The following PRDM16 variants were observed in gnomAD, a reference collection of about 807,000 sequenced individuals.
PRDM16 encodes histone-lysine N-methyltransferase PRDM16.
PRDM16 carries 23 observed loss-of-function variants against 110.6 expected under a neutral mutation model. The ratio of observed to expected loss-of-function variants is 0.21; its 90% CI spans 0.15 to 0.29. PRDM16 has a LOEUF of 0.29. Among genes scored for constraint, PRDM16 ranks in the 10% least tolerant of loss-of-function variants. The pLI is 1.00. For synonymous variants in PRDM16, 799 were observed against 781.8 expected (o/e 1.02, Z -0.37); for missense variants, 1,615 against 1,794.3 (o/e 0.90, Z 1.81).
At chr1:3,193,913 G>A (rs1275809838) in intron 2 of PRDM16, among the ~76,000 whole-genome samples, 1 of 152,204 alleles carries the variant, frequency 6.6e-6, no homozygotes, top group Non-Finnish European at 1.5e-5. Flanking sequence ...ATGCTGGGCT[G>A]GGGCCAGGGA....
intron 1 of PRDM16, among the ~76,000 whole-genome samples, chr1:3,108,174 C>T (rs572318686): frequency 6.6e-6 from 1 of 152,342 alleles, no homozygotes; most frequent in African/African-American, 2.4e-5. Context: ...AGCAAGGGGC[C>T]ATTGGTCTTG....
In PRDM16 at chr1:3,201,192, C is replaced by A. The variant is rs542252967; in HGVS notation, c.387+14718C>A. Among the ~76,000 whole-genome samples, 7 of 152,268 alleles carry A rather than the reference C, an allele frequency of 4.6e-5. No individual in the cohort carries two copies. The highest frequency in any genetic ancestry group is 1.7e-4 in the African/African-American group (7 of 41,550). On this transcript the variant is annotated intron_variant, in intron 2 of 16. Coordinates refer to ENST00000270722, the MANE Select transcript of PRDM16 (RefSeq NM_022114.4). The surrounding 1 kb of genome is among the most constrained non-coding windows in gnomAD (Gnocchi z 4.1). ...GGGATGGAAAAAGGGGTCTGGGCTG[C>A]ATTTTGATAAAAGCCTTCAAACTCC...
chr1:3,130,935 G>A (rs777082038), intron 1 of PRDM16, among the ~76,000 whole-genome samples: 20 of 152,076 alleles, frequency 1.3e-4, no homozygotes, highest in Non-Finnish European at 2.5e-4. Context: ...CCCTGTTCAG[G>A]TTAGGTGTGT....
intron 1 of PRDM16, among the ~76,000 whole-genome samples, chr1:3,071,659 C>T (rs1340256125): frequency 6.6e-6 from 1 of 152,236 alleles, no homozygotes; most frequent in Non-Finnish European, 1.5e-5. Flanking sequence ...TAGTCCATTA[C>T]CCGAGTCAGA....
At chr1:3,303,513 C>T (rs1268271853) in intron 3 of PRDM16, among the ~76,000 whole-genome samples, 1 of 152,166 alleles carries the variant, frequency 6.6e-6, no homozygotes, top group African/African-American at 2.4e-5. Flanking sequence ...GGGAAGAGTG[C>T]CGTGGTGACC....
At chr1:3,409,032 A>C (rs1264320103) in intron 8 of PRDM16, among the ~76,000 whole-genome samples, 4 of 141,612 alleles carry the variant, frequency 2.8e-5, no homozygotes, top group Non-Finnish European at 1.5e-5. Context: ...AGTGTGTGTG[A>C]GTGTGGGCGT....
chr1:3,312,532 A>AT (rs1207808655), intron 3 of PRDM16, among the ~76,000 whole-genome samples: 1 of 152,150 alleles, frequency 6.6e-6, no homozygotes, highest in Non-Finnish European at 1.5e-5. Flanking sequence ...CCTCTGTGGG[A>AT]TACATCAGGA....
intron 2 of PRDM16, among the ~76,000 whole-genome samples, chr1:3,200,433 C>T (rs1288794234): frequency 3.3e-5 from 5 of 152,314 alleles, no homozygotes; most frequent in South Asian, 4.1e-4. Context: ...AGCTCCGCCT[C>T]CCGGGTTCAC....
chr1:3,104,348 G>A (rs1642600112), intron 1 of PRDM16, among the ~76,000 whole-genome samples: 1 of 152,216 alleles, frequency 6.6e-6, no homozygotes, highest in African/African-American at 2.4e-5. Context: ...GTTGGAAGGT[G>A]CTGGTGGGAG....
Position 3,274,225 on chromosome 1 carries a change from G to A in PRDM16, c.438+30088G>A, listed in dbSNP as rs140382138. On this transcript the variant is annotated intron_variant, in intron 3 of 16. Coordinates refer to ENST00000270722, the MANE Select transcript of PRDM16 (RefSeq NM_022114.4). ...ACGCCCTGGCAGGTAACTTTCATCA[G>A]GCATCTCTGAAATGGTACCTAAATG... is the stretch of plus-strand genomic sequence containing the variant. Among the ~76,000 whole-genome samples the A allele has an allele frequency of 2.9e-3, 445 of 152,244 alleles. 3 individuals are homozygous for A. The highest frequency in any genetic ancestry group is 0.01 in the African/African-American group (421 of 41,532).
intron 3 of PRDM16, among the ~76,000 whole-genome samples, chr1:3,362,249 G>A (rs1401375014): frequency 6.6e-6 from 1 of 152,252 alleles, no homozygotes; most frequent in Admixed American, 6.5e-5. Context: ...ACATGAGTGA[G>A]TGCAAATGTC....
intron 2 of PRDM16, among the ~76,000 whole-genome samples, chr1:3,234,336 G>A (rs773761821): frequency 1.3e-5 from 2 of 152,096 alleles, no homozygotes; most frequent in African/African-American, 4.8e-5. Flanking sequence ...TGTCCCCGGG[G>A]CCCTGACACG....
chr1:3,182,731 G>A (rs562469692), intron 1 of PRDM16, among the ~76,000 whole-genome samples: 16 of 152,142 alleles, frequency 1.1e-4, no homozygotes, highest in Non-Finnish European at 1.9e-4. Flanking sequence ...TGTATTATGC[G>A]ATCAAATGAC....
At chr1:3,258,836 G>A (rs1324447599) in intron 3 of PRDM16, among the ~76,000 whole-genome samples, 1 of 152,250 alleles carries the variant, frequency 6.6e-6, no homozygotes, top group Non-Finnish European at 1.5e-5. Context: ...CCCTGCTCGA[G>A]CCAGGCCAGG....
chr1:3,144,256 G>A (rs191044160), intron 1 of PRDM16, among the ~76,000 whole-genome samples: 5 of 152,276 alleles, frequency 3.3e-5, no homozygotes, highest in South Asian at 2.1e-4. Context: ...ACCCAGCCCC[G>A]GTACATGGAC....
intron 1 of PRDM16, among the ~76,000 whole-genome samples, chr1:3,113,258 G>A (rs1464116336): frequency 6.6e-6 from 1 of 152,258 alleles, no homozygotes; most frequent in Admixed American, 6.5e-5. Context: ...GTGGGCCACT[G>A]GAGGGAGCAT....
At chr1:3,174,076 C>T (rs557803250) in intron 1 of PRDM16, among the ~76,000 whole-genome samples, 15 of 152,334 alleles carry the variant, frequency 9.8e-5, no homozygotes, top group South Asian at 6.2e-4. Context: ...AGGCCAGAGA[C>T]ACAAAGCCAG....
At chr1:3,095,845 A>T (rs1190463811) in intron 1 of PRDM16, among the ~76,000 whole-genome samples, 2 of 152,040 alleles carry the variant, frequency 1.3e-5, no homozygotes, top group East Asian at 3.9e-4. Flanking sequence ...GGGGAGCCTC[A>T]TATCACAGCT....
At chr1:3,161,111 C>T (rs1291915949) in intron 1 of PRDM16, among the ~76,000 whole-genome samples, 3 of 152,298 alleles carry the variant, frequency 2.0e-5, no homozygotes, top group South Asian at 4.1e-4. Flanking sequence ...TTTCCTCTCC[C>T]GAGAAAGATG....
Sources: allele counts gnomAD v4.1 joint callset (sites outside exome capture counted in the v4.1 genomes callset), GRCh38; gene constraint gnomAD v4.1.1; non-coding constraint Gnocchi (gnomAD v3.1); transcripts MANE v1.5; gene names NCBI Gene and HGNC (gene_info 2026-07-23, HGNC 2026-07-21).